TPTE: variants seen among roughly 807,000 people sequenced by gnomAD.
The protein encoded by TPTE is putative tyrosine-protein phosphatase TPTE.
A neutral mutation model predicts 84.1 loss-of-function variants in TPTE; 59 were observed. That is an observed-to-expected ratio of 0.70 (90% CI 0.57 to 0.87). The LOEUF (loss-of-function observed/expected upper bound fraction) is 0.87, where lower values mean the gene tolerates loss of function less well. Ranked by LOEUF, TPTE falls within the 40% of genes least tolerant of loss-of-function variation. TPTE has a pLI of 0.00. For synonymous variants in TPTE, 130 were observed against 223.5 expected (o/e 0.58, Z 3.73); for missense variants, 382 against 659.6 (o/e 0.58, Z 4.61).
intron 17 of TPTE, among the ~76,000 whole-genome samples, chr21:10,581,974 A>G (rs1232316920): frequency 6.6e-6 from 1 of 152,306 alleles, no homozygotes; most frequent in Non-Finnish European, 1.5e-5. Context: ...GACTCAAGTG[A>G]TCCACCCACC....
intron 7 of TPTE, among the ~76,000 whole-genome samples, chr21:10,545,223 A>G (rs1333187803): frequency 6.6e-6 from 1 of 152,312 alleles, no homozygotes; most frequent in East Asian, 1.9e-4. Flanking sequence ...AGAGAGGCAT[A>G]TATTAAGATT....
At chr21:10,597,104 A>G (rs942520853) in intron 20 of TPTE, among the ~76,000 whole-genome samples, 1 of 152,312 alleles carries the variant, frequency 6.6e-6, no homozygotes, top group African/African-American at 2.4e-5. Context: ...GCAATAAAAA[A>G]ATTAATTGGC....
chr21:10,580,632 C>T (rs113375850), intron 17 of TPTE, among the ~76,000 whole-genome samples: 2,100 of 149,014 alleles, frequency 0.014, no homozygotes, highest in African/African-American at 0.052. Context: ...GGATTCTTGG[C>T]ACCTTTGTTG....
chr21:10,542,555 C>CCATCCATT (rs1444112676), intron 6 of TPTE, 107 bp downstream of exon 6: 53 of 1,374,448 alleles, frequency 3.9e-5, no homozygotes, highest in South Asian at 3.0e-4. Context: ...ATCCATCCAT[C>CCATCCATT]CATCCATTCA....
chr21:10,586,040 T>C (rs551959636), intron 17 of TPTE, among the ~76,000 whole-genome samples: 1 of 152,418 alleles, frequency 6.6e-6, no homozygotes, highest in African/African-American at 2.4e-5. Flanking sequence ...TTTGGCCTAT[T>C]TGTGGTCTCT....
At chr21:10,567,243 C>T (rs565171270) in intron 10 of TPTE, among the ~76,000 whole-genome samples, 141 of 152,250 alleles carry the variant, frequency 9.3e-4, no homozygotes, top group Middle Eastern at 6.8e-3. Context: ...GAATGAGTAA[C>T]GCCTACTATT....
chr21:10,526,022 C>A (rs1256635241), intron 2 of TPTE, among the ~76,000 whole-genome samples: 7 of 152,428 alleles, frequency 4.6e-5, no homozygotes, highest in Admixed American at 2.6e-4. Context: ...GTCAGAAACT[C>A]AAATTCTTAC....
At chr21:10,579,189 A>G (rs372509306) in intron 17 of TPTE, among the ~76,000 whole-genome samples, 2,445 of 148,436 alleles carry the variant, frequency 0.016, no homozygotes, top group African/African-American at 0.062. Context: ...AATTTCCTGA[A>G]CTTATTCTTC....
chr21:10,546,657 G>T (rs1308038019), intron 7 of TPTE, among the ~76,000 whole-genome samples: 1 of 152,304 alleles, frequency 6.6e-6, no homozygotes. Flanking sequence ...AAAACAGTCT[G>T]ATTGCTAATA....
In TPTE at chr21:10,572,003, TCA is replaced by T. The variant is rs1491238240; in HGVS notation, c.795+1455_795+1456del. Among the ~76,000 whole-genome samples, 193 of 134,642 alleles carry T rather than the reference TCA, an allele frequency of 1.4e-3. No individual in the cohort carries two copies. In the East Asian group the frequency reaches 0.04, roughly 28 times the overall value. 88.3% of individuals were successfully genotyped at this position (134,642 alleles called of 152,430 possible). On this transcript the variant is annotated intron_variant, in intron 14 of 23. Coordinates refer to ENST00000618007, the MANE Select transcript of TPTE (RefSeq NM_199261.4). ...CTGGGTGGCAGAGTGATACCCTGTC[TCA>T]AAAAAAAAAAAAAAATACAATCAAG...
At chr21:10,558,841 C>G (rs1334432409) in intron 8 of TPTE, among the ~76,000 whole-genome samples, 1 of 152,282 alleles carries the variant, frequency 6.6e-6, no homozygotes, top group Non-Finnish European at 1.5e-5. Flanking sequence ...TACCTTGTCT[C>G]CAGCCATAAG....
At chr21:10,572,469 A>G (rs1485731182) in intron 14 of TPTE, among the ~76,000 whole-genome samples, 1 of 150,302 alleles carries the variant, frequency 6.7e-6, no homozygotes, top group Admixed American at 6.6e-5. Flanking sequence ...AAAAAAAAAA[A>G]AAAGGAAATG....
chr21:10,561,245 G>T (rs1337752117), intron 10 of TPTE, 54 bp downstream of exon 10: 2 of 1,602,050 alleles, frequency 1.2e-6, no homozygotes, highest in East Asian at 2.2e-5. Flanking sequence ...TTTATAAGAA[G>T]CACTTTCGGA....
intron 4 of TPTE, among the ~76,000 whole-genome samples, chr21:10,540,164 A>G (rs2074341784): frequency 6.6e-6 from 1 of 152,312 alleles, no homozygotes; most frequent in African/African-American, 2.4e-5. Flanking sequence ...GTGAATTGAG[A>G]GTACCTTCTA....
intron 3 of TPTE, among the ~76,000 whole-genome samples, chr21:10,532,177 C>T (rs936421750): frequency 1.3e-5 from 2 of 152,306 alleles, no homozygotes; most frequent in African/African-American, 2.4e-5. Flanking sequence ...GCTTTAAATA[C>T]TAGGTTGATT....
At chr21:10,577,855 C>T (rs557660105) in intron 15 of TPTE, among the ~76,000 whole-genome samples, 100 of 152,250 alleles carry the variant, frequency 6.6e-4, no homozygotes, top group Non-Finnish European at 1.1e-3. Context: ...GACAATTTAA[C>T]AAATGAGTCT....
intron 18 of TPTE, among the ~76,000 whole-genome samples, chr21:10,590,801 A>T (rs1231550463): frequency 2.6e-5 from 4 of 152,294 alleles, no homozygotes; most frequent in Non-Finnish European, 1.5e-5. Context: ...AAAATAAATA[A>T]TTTTAACGCA....
chr21:10,563,246 A>C (rs944063527), intron 10 of TPTE, among the ~76,000 whole-genome samples: 1 of 152,312 alleles, frequency 6.6e-6, no homozygotes, highest in African/African-American at 2.4e-5. Flanking sequence ...TCCTAGAAGA[A>C]ATGCTAAAGG....
chr21:10,522,725 A>G (rs364221), intron 1 of TPTE, among the ~76,000 whole-genome samples: 116,587 of 151,876 alleles, frequency 0.77, 40,715 homozygotes, highest in Non-Finnish European at 0.88. Flanking sequence ...ATTTTTTCTT[A>G]TACTCAAAAT....
Sources: gnomAD v4.1 joint callset for allele counts (sites outside exome capture counted in the v4.1 genomes callset) on GRCh38, gnomAD v4.1.1 for gene constraint, MANE v1.5 for transcripts, NCBI Gene and HGNC (gene_info 2026-07-23, HGNC 2026-07-21) for gene names.